The following FBXL7 variants were observed in gnomAD, a reference collection of about 807,000 sequenced individuals.
The protein encoded by FBXL7 is F-box/LRR-repeat protein 7.
A neutral mutation model predicts 38.3 loss-of-function variants in FBXL7; 12 were observed. That is an observed-to-expected ratio of 0.31 (90% CI 0.20 to 0.51). The LOEUF (loss-of-function observed/expected upper bound fraction) is 0.51, where lower values mean the gene tolerates loss of function less well. FBXL7 is among the 20% of genes least tolerant of loss of function. The pLI, the probability that FBXL7 is intolerant of heterozygous loss-of-function variation, is 0.98. For synonymous variants in FBXL7, 297 were observed against 300.9 expected, an observed-to-expected ratio of 0.99 and a Z score of 0.13; for missense variants, 567 against 676.4, an observed-to-expected ratio of 0.84 and a Z score of 1.79.
chr5:15,652,143 G>A (rs1741729459), intron 2 of FBXL7, among the ~76,000 whole-genome samples: 1 of 152,156 alleles, frequency 6.6e-6, no homozygotes, highest in South Asian at 2.1e-4. Context: ...TAGCTTAAGG[G>A]AATGTTAAGG....
At chr5:15,695,820 G>A (rs1016117833) in intron 2 of FBXL7, among the ~76,000 whole-genome samples, 2 of 152,162 alleles carry the variant, frequency 1.3e-5, no homozygotes, top group African/African-American at 4.8e-5. Flanking sequence ...CAGAGATCAA[G>A]CTTTTAACCC....
At chr5:15,649,781 A>G (rs1007310015) in intron 2 of FBXL7, among the ~76,000 whole-genome samples, 1 of 149,698 alleles carries the variant, frequency 6.7e-6, no homozygotes, top group African/African-American at 2.5e-5. Flanking sequence ...TTGCTCATTC[A>G]CTTGTCTCTG....
At chr5:15,617,243 T>C (rs1740483352) in intron 2 of FBXL7, among the ~76,000 whole-genome samples, 1 of 152,196 alleles carries the variant, frequency 6.6e-6, no homozygotes, top group South Asian at 2.1e-4. Flanking sequence ...TTAGCACTGT[T>C]TGATGCGTTT....
intron 2 of FBXL7, among the ~76,000 whole-genome samples, chr5:15,746,051 C>G (rs1182693158): frequency 6.6e-6 from 1 of 152,104 alleles, no homozygotes; most frequent in African/African-American, 2.4e-5. Context: ...TCTGTGATCT[C>G]TGTTAGAGCC....
At chr5:15,574,956 A>T (rs1738907359) in intron 1 of FBXL7, among the ~76,000 whole-genome samples, 1 of 151,040 alleles carries the variant, frequency 6.6e-6, no homozygotes, top group Non-Finnish European at 1.5e-5. Context: ...TCTTGGCATT[A>T]GTTCTCAACC....
intron 1 of FBXL7, among the ~76,000 whole-genome samples, chr5:15,573,406 C>A (rs968647849): frequency 6.6e-6 from 1 of 151,974 alleles, no homozygotes; most frequent in East Asian, 1.9e-4. Flanking sequence ...CAAACCAGCT[C>A]AAAAAAATAG....
chr5:15,771,172 A>G (rs547487132), intron 2 of FBXL7, among the ~76,000 whole-genome samples: 63 of 152,328 alleles, frequency 4.1e-4, no homozygotes, highest in African/African-American at 1.5e-3. Flanking sequence ...TCAGCTTTTC[A>G]GTACCTTTCA....
At chr5:15,666,505 T>G (rs1742283680) in intron 2 of FBXL7, among the ~76,000 whole-genome samples, 1 of 152,218 alleles carries the variant, frequency 6.6e-6, no homozygotes, top group South Asian at 2.1e-4. Flanking sequence ...ATAGACACTT[T>G]CACACCATCC....
intron 2 of FBXL7, among the ~76,000 whole-genome samples, chr5:15,729,750 C>G (rs1735522112): frequency 6.6e-6 from 1 of 152,112 alleles, no homozygotes; most frequent in Non-Finnish European, 1.5e-5. Flanking sequence ...TGATAATTTT[C>G]ATCATAACTA....
intron 2 of FBXL7, among the ~76,000 whole-genome samples, chr5:15,868,102 CAAAAAAAAA>C (rs35879964): frequency 1.7e-5 from 1 of 59,948 alleles, no homozygotes; most frequent in African/African-American, 5.4e-5. Flanking sequence ...GACTCCGTCT[CAAAAAAAAA>C]AAAAAAAAAA....
At chr5:15,800,059 C>T (rs1343829058) in intron 2 of FBXL7, among the ~76,000 whole-genome samples, 2 of 152,076 alleles carry the variant, frequency 1.3e-5, no homozygotes, top group Non-Finnish European at 2.9e-5. Flanking sequence ...AAAGAGGAAA[C>T]ATTTTAATAA....
intron 2 of FBXL7, among the ~76,000 whole-genome samples, chr5:15,862,008 A>G (rs1034025997): frequency 3.3e-5 from 5 of 152,226 alleles, no homozygotes; most frequent in African/African-American, 1.2e-4. Context: ...GTGACATGGA[A>G]AATTAAACTT....
chr5:15,616,029 T>A lies in FBXL7; in HGVS notation c.84T>A (p.Asp28Glu), dbSNP rs748103509. The change falls in exon 2 of 4, where the codon GAT (aspartate) becomes GAA (glutamate). Residue 28 changes from aspartate (D) to glutamate (E), a missense_variant. Transcript: ENST00000504595. The part of the protein sequence containing the change: ...SISSDVSSST[D>E]HTPTKAQKNV... ...CATCTGACGTGAGTTCAAGTACAGATCACACGCCCACTAAAGCCCAGAAGA... is the reference window on the plus strand; with the variant it reads ...CATCTGACGTGAGTTCAAGTACAGAACACACGCCCACTAAAGCCCAGAAGA... 5.0e-6 allele frequency: 8 copies of A among 1,613,430 alleles called. No individual in the cohort carries two copies. Among genetic ancestry groups the A allele is most frequent in the Admixed American group, 1.7e-5 (1 of 59,968 alleles).
intron 1 of FBXL7, among the ~76,000 whole-genome samples, chr5:15,593,407 C>T (rs1739535712): frequency 6.6e-6 from 1 of 152,034 alleles, no homozygotes; most frequent in Non-Finnish European, 1.5e-5. Flanking sequence ...ACCTGTAATC[C>T]CAGCTTCTAG....
intron 2 of FBXL7, among the ~76,000 whole-genome samples, chr5:15,879,442 C>G (rs1740351239): frequency 6.6e-6 from 1 of 152,164 alleles, no homozygotes; most frequent in African/African-American, 2.4e-5. Context: ...CCTTTAGCCA[C>G]CAAGCAAAAC....
At position 15,863,527 on chromosome 5, in the gene FBXL7, C is replaced by T. The variant is rs368959643; in HGVS notation, c.128-64363C>T. 7.9e-4 allele frequency among the ~76,000 whole-genome samples: 121 copies of T among 152,246 alleles called. 1 individual carries two copies. The South Asian group carries it at 0.017, about 21-fold the overall frequency. ...GGTCGATGTGACCTCACATTGGTGACAAAATTCCTTTTACTGTCTGGCACC... is the reference window on the plus strand; with the variant it reads ...GGTCGATGTGACCTCACATTGGTGATAAAATTCCTTTTACTGTCTGGCACC... On this transcript the variant is annotated intron_variant, in intron 2 of 3. Transcript: ENST00000504595.
At chr5:15,768,499 C>G (rs961413268) in intron 2 of FBXL7, among the ~76,000 whole-genome samples, 3 of 151,030 alleles carry the variant, frequency 2.0e-5, no homozygotes, top group Admixed American at 1.3e-4. Flanking sequence ...CCACTGCACT[C>G]TAGCCTGGGC....
intron 2 of FBXL7, among the ~76,000 whole-genome samples, chr5:15,855,585 A>G (rs545377577): frequency 2.6e-5 from 4 of 152,266 alleles, no homozygotes; most frequent in South Asian, 2.1e-4. Flanking sequence ...CACAAATTCA[A>G]TCTGTTAAAT....
At chr5:15,555,484 A>G (rs1375863640) in intron 1 of FBXL7, among the ~76,000 whole-genome samples, 1 of 152,182 alleles carries the variant, frequency 6.6e-6, no homozygotes, top group Non-Finnish European at 1.5e-5. Context: ...CTTACCCGGC[A>G]TCCTGGGTTG....
Sources: gnomAD v4.1 joint callset for allele counts (sites outside exome capture counted in the v4.1 genomes callset) on GRCh38, gnomAD v4.1.1 for gene constraint, MANE v1.5 for transcripts, NCBI Gene and HGNC (gene_info 2026-07-23, HGNC 2026-07-21) for gene names.